The following KDM4C variants were observed in gnomAD, a reference collection of about 807,000 sequenced individuals.
KDM4C encodes the protein lysine demethylase 4C.
KDM4C carries 81 observed loss-of-function variants against 129.3 expected under a neutral mutation model. That is an observed-to-expected ratio of 0.63 (90% CI 0.52 to 0.75). The LOEUF (loss-of-function observed/expected upper bound fraction) is 0.75. Ranked by LOEUF, KDM4C falls within the 30% of genes least tolerant of loss-of-function variation. The pLI is 0.00. For synonymous variants in KDM4C, 573 were observed against 456.1 expected, an observed-to-expected ratio of 1.26 and a Z score of -3.26; for missense variants, 1,457 against 1,304.0, an observed-to-expected ratio of 1.12 and a Z score of -1.81.
chr9:6,913,553 A>G (rs924247032), intron 8 of KDM4C, among the ~76,000 whole-genome samples: 1 of 152,188 alleles, frequency 6.6e-6, no homozygotes, highest in Non-Finnish European at 1.5e-5. Flanking sequence ...GCTGTTACCT[A>G]TACCTCTTCT....
intron 19 of KDM4C, among the ~76,000 whole-genome samples, chr9:7,141,045 A>G (rs1173975957): frequency 6.6e-6 from 1 of 152,224 alleles, no homozygotes; most frequent in Admixed American, 6.5e-5. Flanking sequence ...TGGGGCCTTG[A>G]GGCCATCTTA....
intron 15 of KDM4C, among the ~76,000 whole-genome samples, chr9:7,041,257 G>A (rs573110258): frequency 6.6e-6 from 1 of 151,892 alleles, no homozygotes; most frequent in Non-Finnish European, 1.5e-5. Flanking sequence ...CTTTTACATT[G>A]TATTAAGTAT....
At chr9:6,817,930 C>T (rs988051128) in intron 4 of KDM4C, among the ~76,000 whole-genome samples, 1 of 151,922 alleles carries the variant, frequency 6.6e-6, no homozygotes, top group South Asian at 2.1e-4. Context: ...CCATGCCCAG[C>T]GAATTTTTGT....
chr9:6,831,198 C>T (rs1834755846), intron 4 of KDM4C, among the ~76,000 whole-genome samples: 1 of 152,014 alleles, frequency 6.6e-6, no homozygotes, highest in Non-Finnish European at 1.5e-5. Flanking sequence ...ATTCTGCTGC[C>T]AGTAATAAAG....
At chr9:6,897,822 A>G (rs958196032) in intron 8 of KDM4C, among the ~76,000 whole-genome samples, 9 of 152,238 alleles carry the variant, frequency 5.9e-5, no homozygotes, top group Admixed American at 1.3e-4. Flanking sequence ...TGTTGGCATA[A>G]CAGAGTGAAA....
At chr9:7,044,368 T>A (rs1829065592) in intron 15 of KDM4C, among the ~76,000 whole-genome samples, 1 of 151,976 alleles carries the variant, frequency 6.6e-6, no homozygotes, top group African/African-American at 2.4e-5. Context: ...TCTAGCCCTC[T>A]GAGGCCATAT....
rs1040010888 is a variant in KDM4C at position 6,940,833 on chromosome 9, A to T, written c.922-40092A>T. On this transcript the variant is annotated intron_variant, in intron 8 of 21. Coordinates refer to ENST00000381309, the MANE Select transcript of KDM4C (RefSeq NM_015061.6). ...TAGGATAATGTACCCTTGATTCTAA[A>T]ATATATGCTCTCTGATAAAGTCTAA... Among the ~76,000 whole-genome samples the T allele has an allele frequency of 2.0e-5, 3 of 152,206 alleles. No individual in the cohort carries two copies. In the East Asian group the frequency reaches 5.8e-4, roughly 29 times the overall value.
At chr9:6,903,540 A>G (rs1817757409) in intron 8 of KDM4C, among the ~76,000 whole-genome samples, 2 of 152,138 alleles carry the variant, frequency 1.3e-5, no homozygotes, top group Admixed American at 1.3e-4. Context: ...CCATTTTCTC[A>G]CACTCTTAGG....
In KDM4C at chr9:7,116,660, T is replaced by C. The variant is rs148107822; in HGVS notation, c.2611-11406T>C. Among the ~76,000 whole-genome samples, 171 of 152,328 alleles carry C rather than the reference T, an allele frequency of 1.1e-3. 1 individual carries two copies. Among genetic ancestry groups the C allele is most frequent in the African/African-American group, 3.8e-3 (159 of 41,564 alleles). The stretch of plus-strand genomic sequence containing the variant: ...TTAAACAGTTTGTGGATTTATCCCT[T>C]TTGAGTAACATTGGCGAGGTAGGCA... On this transcript the variant is annotated intron_variant, in intron 18 of 21. Coordinates refer to ENST00000381309, the MANE Select transcript of KDM4C (RefSeq NM_015061.6).
intron 1 of KDM4C, among the ~76,000 whole-genome samples, chr9:6,752,652 C>T (rs891288193): frequency 6.6e-6 from 1 of 151,838 alleles, no homozygotes; most frequent in Admixed American, 6.6e-5. Context: ...TCAGGAGATC[C>T]GTCCACCTCG....
chr9:7,150,421 C>G (rs2130102287), intron 19 of KDM4C, among the ~76,000 whole-genome samples: 2 of 152,290 alleles, frequency 1.3e-5, no homozygotes, highest in Admixed American at 1.3e-4. Flanking sequence ...CACCTCTTTG[C>G]CTAACTACCT....
intron 8 of KDM4C, among the ~76,000 whole-genome samples, chr9:6,917,402 C>G (rs993769175): frequency 1.7e-4 from 26 of 152,178 alleles, no homozygotes; most frequent in Non-Finnish European, 1.2e-4. Context: ...CTTCTTACTT[C>G]CCCCTTTCAC....
chr9:6,722,414 A>G (rs956348881), intron 1 of KDM4C, among the ~76,000 whole-genome samples: 1 of 152,124 alleles, frequency 6.6e-6, no homozygotes, highest in African/African-American at 2.4e-5. Flanking sequence ...TTGGTGGCTC[A>G]AGCCTGTAAT....
intron 15 of KDM4C, among the ~76,000 whole-genome samples, chr9:7,036,797 G>A (rs757830251): frequency 2.0e-5 from 3 of 152,122 alleles, no homozygotes; most frequent in Admixed American, 6.6e-5. Flanking sequence ...AACTGTGAGG[G>A]CAGGATCTTT....
At chr9:6,977,777 C>T (rs886933374) in intron 8 of KDM4C, among the ~76,000 whole-genome samples, 1 of 152,148 alleles carries the variant, frequency 6.6e-6, no homozygotes, top group Non-Finnish European at 1.5e-5. Flanking sequence ...TGTCACCTCT[C>T]CTGTGACAAT....
At chr9:6,802,145 T>G (rs1051995385) in intron 2 of KDM4C, among the ~76,000 whole-genome samples, 2 of 150,956 alleles carry the variant, frequency 1.3e-5, no homozygotes, top group South Asian at 2.1e-4. Flanking sequence ...AGTAAACATA[T>G]GGATGAAAAG....
intron 17 of KDM4C, among the ~76,000 whole-genome samples, chr9:7,050,874 T>A (rs551194369): frequency 6.6e-6 from 1 of 152,174 alleles, no homozygotes; most frequent in Admixed American, 6.6e-5. Flanking sequence ...TCTAGAAATA[T>A]CATAATTGCA....
At chr9:6,799,459 G>GGT in intron 2 of KDM4C, among the ~76,000 whole-genome samples, 1 of 152,220 alleles carries the variant, frequency 6.6e-6, no homozygotes, top group Non-Finnish European at 1.5e-5. Flanking sequence ...CAGGCACTCT[G>GGT]CAGGCTGAGG....
rs191888706 is a variant in KDM4C at position 6,799,000 on chromosome 9, A to G, written c.144+5868A>G. Among the ~76,000 whole-genome samples the G allele has an allele frequency of 6.8e-3, 780 of 114,932 alleles. 7 individuals are homozygous for G. Among genetic ancestry groups the G allele is most frequent in the African/African-American group, 0.028 (728 of 26,354 alleles). The allele number at this position is 114,932 out of a possible 152,430, so 75.4% of individuals were successfully genotyped here. ...GGCAGAGACGCTCCTCACTTCCTAG[A>G]TGGGATGGCGGCCGGGAAGAGGCGC... is the stretch of plus-strand genomic sequence containing the variant. On this transcript the variant is annotated intron_variant, in intron 2 of 21. Coordinates refer to ENST00000381309, the MANE Select transcript of KDM4C (RefSeq NM_015061.6).
Sources: gnomAD v4.1 joint callset for allele counts (sites outside exome capture counted in the v4.1 genomes callset) on GRCh38, gnomAD v4.1.1 for gene constraint, MANE v1.5 for transcripts, NCBI Gene and HGNC (gene_info 2026-07-23, HGNC 2026-07-21) for gene names.